The following XPO1 variants were observed in gnomAD, a reference collection of about 807,000 sequenced individuals.
The protein encoded by XPO1 is exportin-1.
XPO1 carries 5 observed loss-of-function variants against 133.3 expected under a neutral mutation model. The ratio of observed to expected loss-of-function variants is 0.04; its 90% CI spans 0.02 to 0.08. The LOEUF (loss-of-function observed/expected upper bound fraction) is 0.08, where lower values mean the gene tolerates loss of function less well. XPO1 is among the 10% of genes least tolerant of loss of function. XPO1 has a pLI of 1.00. For missense variants in XPO1, 506 were observed against 1,267.5 expected (o/e 0.40, Z 9.12); for synonymous variants, 419 against 408.2 (o/e 1.03, Z -0.32).
chr2:61,485,647 A>C (rs912011021), intron 20 of XPO1, 121 bp downstream of exon 20: 8 of 935,696 alleles, frequency 8.5e-6, no homozygotes, highest in Middle Eastern at 3.5e-4. Flanking sequence ...CTAATATACA[A>C]GTTTAAATAT....
chr2:61,535,404 T>G (rs1453736304), intron 1 of XPO1, among the ~76,000 whole-genome samples: 4 of 152,202 alleles, frequency 2.6e-5, no homozygotes, highest in Non-Finnish European at 5.9e-5. Context: ...CAAGGTCAGA[T>G]CTCCACTTCT....
In XPO1 at chr2:61,491,495, CA is replaced by C. The variant is rs1410407501; in HGVS notation, c.1887+539del. Among the ~76,000 whole-genome samples, 19 of 137,626 alleles carry C rather than the reference CA, an allele frequency of 1.4e-4. No homozygotes were observed. In the East Asian group the frequency reaches 2.1e-3, roughly 15 times the overall value. The allele number at this position is 137,626 out of a possible 152,430, so 90.3% of individuals were successfully genotyped here. A position where few individuals can be genotyped will look rare whatever the true frequency, so the allele number is the denominator to read the frequency against. On this transcript the variant is annotated intron_variant, in intron 16 of 24. Coordinates refer to ENST00000401558, the MANE Select transcript of XPO1 (RefSeq NM_003400.4). ...ACACACACACACACACACACACACA[CA>C]CCCCAAAACAAAACAAAACAAAAAA...
intron 1 of XPO1, chr2:61,536,055 G>A (rs867296808): frequency 8.5e-5 from 13 of 152,264 alleles, no homozygotes; most frequent in South Asian, 2.1e-4. Context: ...TTAAGAAAAT[G>A]ACTCTTACAA....
At chr2:61,496,094 A>G (rs1028455920) in intron 10 of XPO1, among the ~76,000 whole-genome samples, 1 of 152,212 alleles carries the variant, frequency 6.6e-6, no homozygotes, top group Admixed American at 6.5e-5. Context: ...CTCTTCTCAA[A>G]TAAATTAAAG....
At chr2:61,487,868 C>T (rs939308898) in intron 19 of XPO1, among the ~76,000 whole-genome samples, 1 of 152,176 alleles carries the variant, frequency 6.6e-6, no homozygotes, top group East Asian at 1.9e-4. Flanking sequence ...AAAAACTGCA[C>T]CGGTACTCCA....
intron 17 of XPO1, among the ~76,000 whole-genome samples, chr2:61,489,917 AGTCTTCCTCT>A (rs1696890180): frequency 7.0e-6 from 1 of 142,642 alleles, no homozygotes; most frequent in African/African-American, 2.6e-5. Flanking sequence ...TTTGAGACAG[AGTCTTCCTCT>A]GTCACCAGGC....
At chr2:61,484,378 A>G (rs1313268366) in intron 20 of XPO1, 1 of 325,878 alleles carries the variant, frequency 3.1e-6, no homozygotes, top group Non-Finnish European at 5.6e-6. Context: ...CCATAAGACT[A>G]CTACTATCAC....
chr2:61,502,965 C>CTTTTTTTTTTTTTTT (rs201077547), intron 4 of XPO1, among the ~76,000 whole-genome samples: 2 of 138,306 alleles, frequency 1.4e-5, no homozygotes, highest in African/African-American at 5.4e-5. Context: ...TGTTTCTTTT[C>CTTTTTTTTTTTTTTT]TTTTTTTTTT....
chr2:61,481,543 C>A (rs1696357967), intron 23 of XPO1, among the ~76,000 whole-genome samples: 1 of 152,098 alleles, frequency 6.6e-6, no homozygotes, highest in African/African-American at 2.4e-5. Flanking sequence ...ACCGCAACCT[C>A]TGAAGCTATT....
intron 4 of XPO1, among the ~76,000 whole-genome samples, chr2:61,510,916 C>T (rs992654050): frequency 2.9e-5 from 4 of 140,306 alleles, no homozygotes; most frequent in Non-Finnish European, 6.0e-5. Context: ...CCAGCTTGGG[C>T]GACAGCGTGA....
At chr2:61,533,492 TATATA>T (rs1269310391) in intron 2 of XPO1, among the ~76,000 whole-genome samples, 1 of 152,182 alleles carries the variant, frequency 6.6e-6, no homozygotes, top group African/African-American at 2.4e-5. Context: ...ATATTAAGTA[TATATA>T]AAAGTACAGA....
chr2:61,509,675 G>C (rs1387330167), intron 4 of XPO1, among the ~76,000 whole-genome samples: 2 of 152,060 alleles, frequency 1.3e-5, no homozygotes, highest in African/African-American at 4.8e-5. Flanking sequence ...TTTCAGTTTT[G>C]GAATGCTTAA....
At chr2:61,529,841 G>A (rs569432018) in intron 2 of XPO1, among the ~76,000 whole-genome samples, 3 of 152,232 alleles carry the variant, frequency 2.0e-5, no homozygotes, top group Non-Finnish European at 2.9e-5. Flanking sequence ...TCTCTACCCA[G>A]AAACCCACCA....
intron 20 of XPO1, chr2:61,484,898 G>C (rs1032545736): frequency 6.6e-6 from 1 of 152,416 alleles, no homozygotes; most frequent in African/African-American, 2.4e-5. Flanking sequence ...TTACAAGCGT[G>C]AGCCACGGCA....
chr2:61,535,607 C>A (rs1055936753), intron 1 of XPO1, among the ~76,000 whole-genome samples: 1 of 152,146 alleles, frequency 6.6e-6, no homozygotes, highest in Non-Finnish European at 1.5e-5. Flanking sequence ...AATATAACGT[C>A]TGTTACAACA....
At chr2:61,486,802 T>C (rs929079779) in intron 19 of XPO1, among the ~76,000 whole-genome samples, 1 of 152,008 alleles carries the variant, frequency 6.6e-6, no homozygotes, top group Admixed American at 6.6e-5. Context: ...TAAGAAAGAC[T>C]ATGGATTTCT....
In XPO1 at chr2:61,499,797, A is replaced by T. The variant is rs1398032906; in HGVS notation, c.506T>A (p.Val169Glu). The change falls in exon 7 of 25, where the codon GTG becomes GAG. Residue 169 changes from valine to glutamate, a missense_variant. Val to Glu is a moderately radical substitution (Grantham distance 121, BLOSUM62 -2). Around this residue, in one of 6 missense-constraint regions of XPO1, gnomAD observed 68 missense variants for 210.5 expected, o/e 0.32. Coordinates refer to ENST00000401558, the MANE Select transcript of XPO1 (RefSeq NM_003400.4). ...TSESLCQNNM[V>E]ILKLLSEEVF... Reference sequence around the variant, plus strand: ...TTCTTCACTCAAGAGTTTAAGAATCACCATATTATTTTGACAGAGACTTTC... The same window carrying T: ...TTCTTCACTCAAGAGTTTAAGAATCTCCATATTATTTTGACAGAGACTTTC... The T allele has an allele frequency of 6.2e-7, 1 of 1,613,464 alleles. No homozygotes were observed.
chr2:61,503,535 A>G lies in XPO1; in HGVS notation c.302-1225T>C, dbSNP rs189954623. Among the ~76,000 whole-genome samples the G allele has an allele frequency of 2.8e-3, 416 of 151,064 alleles. 1 individual carries two copies. The highest frequency in any genetic ancestry group is 9.5e-3 in the African/African-American group (389 of 41,142). ...CACCTCCTGGGTTCACGCCATTCTCATGCCTCAGCCTCCCAAGTAGCTGGG... is the reference window on the plus strand; with the variant it reads ...CACCTCCTGGGTTCACGCCATTCTCGTGCCTCAGCCTCCCAAGTAGCTGGG... On this transcript the variant is annotated intron_variant, in intron 4 of 24. Coordinates refer to ENST00000401558, the MANE Select transcript of XPO1 (RefSeq NM_003400.4).
chr2:61,529,334 C>A (rs1174539722), intron 2 of XPO1, among the ~76,000 whole-genome samples: 1 of 152,180 alleles, frequency 6.6e-6, no homozygotes, highest in African/African-American at 2.4e-5. Flanking sequence ...TAATCTTTAG[C>A]TTGGCTTTTA....
Sources: gnomAD v4.1 joint callset for allele counts (sites outside exome capture counted in the v4.1 genomes callset) on GRCh38, gnomAD v4.1.1 for gene constraint, gnomAD v4.1.1 regional missense constraint, MANE v1.5 for transcripts, NCBI Gene and HGNC (gene_info 2026-07-23, HGNC 2026-07-21) for gene names.